The following TAFA4 variants were observed in gnomAD, a reference collection of about 807,000 sequenced individuals.
TAFA4 encodes TAFA chemokine like family member 4.
Under a neutral mutation model 21.1 loss-of-function variants are expected in TAFA4, and 20 were observed. The observed-to-expected ratio is 0.95, with a 90% confidence interval of 0.67 to 1.38. TAFA4 has a LOEUF of 1.38. Among genes scored for constraint, TAFA4 ranks in the 40% most tolerant of loss-of-function variants. The probability of loss-of-function intolerance (pLI) is 0.00; values close to 1 mark genes in which losing one functional copy is unlikely to be tolerated. For synonymous variants in TAFA4, 71 were observed against 67.4 expected (o/e 1.05, Z -0.26); for missense variants, 211 against 180.9 (o/e 1.17, Z -0.95).
At chr3:68,908,251 T>C (rs1180822018) in intron 1 of TAFA4, among the ~76,000 whole-genome samples, 3 of 152,166 alleles carry the variant, frequency 2.0e-5, no homozygotes, top group Non-Finnish European at 4.4e-5. Context: ...GGTTAACATT[T>C]TGGGAAAGGT....
At chr3:68,808,623 TACTCTAA>T (rs1703756822) in intron 3 of TAFA4, among the ~76,000 whole-genome samples, 1 of 152,206 alleles carries the variant, frequency 6.6e-6, no homozygotes, top group Non-Finnish European at 1.5e-5. Flanking sequence ...TTATCTCTAA[TACTCTAA>T]ACTCTAGACT....
chr3:68,758,653 T>C (rs1203912688), intron 3 of TAFA4, among the ~76,000 whole-genome samples: 1 of 152,308 alleles, frequency 6.6e-6, no homozygotes, highest in African/African-American at 2.4e-5. Context: ...AATGAACAAA[T>C]ACAACTATGA....
intron 1 of TAFA4, among the ~76,000 whole-genome samples, chr3:68,906,974 T>A (rs2089906834): frequency 7.6e-6 from 1 of 131,642 alleles, no homozygotes; most frequent in Non-Finnish European, 1.5e-5. Flanking sequence ...GAGGCTGCAG[T>A]GAGCCAAGAT....
intron 3 of TAFA4, among the ~76,000 whole-genome samples, chr3:68,846,564 C>G (rs1001869131): frequency 1.3e-5 from 2 of 152,044 alleles, no homozygotes; most frequent in Non-Finnish European, 2.9e-5. Flanking sequence ...CCGTTGCTGG[C>G]AAGGAGTTGT....
At chr3:68,914,452 T>G (rs1187951285) in intron 1 of TAFA4, among the ~76,000 whole-genome samples, 1 of 152,194 alleles carries the variant, frequency 6.6e-6, no homozygotes, top group Non-Finnish European at 1.5e-5. Flanking sequence ...TTGGACACTT[T>G]ATTGTAAATT....
At chr3:68,752,497 C>T (rs990243720) in intron 4 of TAFA4, among the ~76,000 whole-genome samples, 2 of 152,104 alleles carry the variant, frequency 1.3e-5, no homozygotes, top group African/African-American at 4.8e-5. Context: ...TAACACCAAG[C>T]ATGAAGTGAG....
At chr3:68,908,942 T>G (rs1575668615) in intron 1 of TAFA4, among the ~76,000 whole-genome samples, 1 of 152,152 alleles carries the variant, frequency 6.6e-6, no homozygotes, top group East Asian at 1.9e-4. Flanking sequence ...TGACAGCGCT[T>G]CCCACCACAA....
chr3:68,814,396 A>T (rs1703913922), intron 3 of TAFA4, among the ~76,000 whole-genome samples: 1 of 152,180 alleles, frequency 6.6e-6, no homozygotes, highest in African/African-American at 2.4e-5. Flanking sequence ...TGCAGATGAC[A>T]TGATTGTATA....
At chr3:68,868,938 GT>G (rs949546950) in intron 3 of TAFA4, among the ~76,000 whole-genome samples, 2 of 151,572 alleles carry the variant, frequency 1.3e-5, no homozygotes, top group African/African-American at 2.4e-5. Flanking sequence ...ACAAAAAGTT[GT>G]TTTTTTGCAG....
At chr3:68,869,462 A>C (rs970993394) in intron 3 of TAFA4, among the ~76,000 whole-genome samples, 2 of 152,102 alleles carry the variant, frequency 1.3e-5, no homozygotes, top group African/African-American at 4.8e-5. Flanking sequence ...CGTCCTCAAC[A>C]AAACACTGGA....
intron 3 of TAFA4, among the ~76,000 whole-genome samples, chr3:68,843,411 G>A (rs1007940152): frequency 3.3e-5 from 5 of 152,184 alleles, no homozygotes; most frequent in Admixed American, 2.6e-4. Flanking sequence ...TCAGCTTAAG[G>A]AGATTTTAGG....
intron 5 of TAFA4, among the ~76,000 whole-genome samples, chr3:68,735,814 T>TCAAAGAAAAA (rs1702232309): frequency 6.6e-6 from 1 of 152,150 alleles, no homozygotes; most frequent in South Asian, 2.1e-4. Context: ...ATACTATTCT[T>TCAAAGAAAAA]TAAAGCAGCT....
intron 3 of TAFA4, among the ~76,000 whole-genome samples, chr3:68,870,551 C>A (rs532504153): frequency 3.3e-5 from 5 of 152,146 alleles, no homozygotes; most frequent in African/African-American, 1.2e-4. Flanking sequence ...TAAATCCACA[C>A]ATTTACAGCC....
chr3:68,783,671 C>CAG (rs796524736), intron 3 of TAFA4, among the ~76,000 whole-genome samples: 1,062 of 96,212 alleles, frequency 0.011, 20 homozygotes, highest in African/African-American at 0.044. Context: ...GACACACACA[C>CAG]ACAGAGAGAG....
rs3048125 is a variant in TAFA4, at chr3:68,795,001, TAC to T, written c.131-41985_131-41984del. Among the ~76,000 whole-genome samples, 1,032 of 143,956 alleles carry T rather than the reference TAC, an allele frequency of 7.2e-3. 6 individuals are homozygous for T. The highest frequency in any genetic ancestry group is 0.033 in the East Asian group (161 of 4,872). The allele number at this position is 143,956 out of a possible 152,430, so 94.4% of individuals were successfully genotyped here. On this transcript the variant is annotated intron_variant, in intron 3 of 5. Transcript: ENST00000295569. ...TTTTTGAATCAGATTTGTGTCTCAA[TAC>T]ACACACACACACACACACACACACA...
At chr3:68,826,852 G>A (rs62254119) in intron 3 of TAFA4, among the ~76,000 whole-genome samples, 46,569 of 151,886 alleles carry the variant, frequency 0.31, 7,546 homozygotes, top group Non-Finnish European at 0.37. Flanking sequence ...GATATGAGAA[G>A]AAATAACAGG....
intron 3 of TAFA4, among the ~76,000 whole-genome samples, chr3:68,781,105 A>T (rs1703145464): frequency 6.6e-6 from 1 of 152,104 alleles, no homozygotes; most frequent in African/African-American, 2.4e-5. Flanking sequence ...TGAAAATAAA[A>T]ATAGAACATA....
intron 3 of TAFA4, among the ~76,000 whole-genome samples, chr3:68,852,016 T>C (rs1417561179): frequency 6.6e-6 from 1 of 151,858 alleles, no homozygotes; most frequent in Non-Finnish European, 1.5e-5. Flanking sequence ...GGAATATGTG[T>C]TTTAACAGCT....
In TAFA4 at chr3:68,808,291, G is replaced by T. The variant is rs543974666; in HGVS notation, c.131-55273C>A. Among the ~76,000 whole-genome samples, 3 of 152,042 alleles carry T rather than the reference G, an allele frequency of 2.0e-5. No individual in the cohort carries two copies. In the East Asian group the frequency reaches 5.8e-4, roughly 29 times the overall value. ...TCCAGCTGGTCCTGGGCCCTCAACCGTCCCACCTGAGTCCAGCAATTGAAA... is the reference window on the plus strand; with the variant it reads ...TCCAGCTGGTCCTGGGCCCTCAACCTTCCCACCTGAGTCCAGCAATTGAAA... On this transcript the variant is annotated intron_variant, in intron 3 of 5. Transcript: ENST00000295569.
Sources: allele counts gnomAD v4.1 joint callset (sites outside exome capture counted in the v4.1 genomes callset), GRCh38; gene constraint gnomAD v4.1.1; transcripts MANE v1.5; gene names NCBI Gene and HGNC (gene_info 2026-07-23, HGNC 2026-07-21).